ZNF516: variants seen among roughly 807,000 people sequenced by gnomAD.
The protein encoded by ZNF516 is zinc finger protein 516.
A neutral mutation model predicts 79.7 loss-of-function variants in ZNF516; 19 were observed. That is an observed-to-expected ratio of 0.24 (90% CI 0.17 to 0.35). The LOEUF (loss-of-function observed/expected upper bound fraction) is 0.35, where lower values mean the gene tolerates loss of function less well. Ranked by LOEUF, ZNF516 falls within the 10% of genes least tolerant of loss-of-function variation. The probability of loss-of-function intolerance (pLI) is 1.00; values close to 1 mark genes in which losing one functional copy is unlikely to be tolerated. For synonymous variants in ZNF516, 877 were observed against 739.5 expected (o/e 1.19, Z -3.02); for missense variants, 1,678 against 1,679.5 (o/e 1.00, Z 0.02).
intron 3 of ZNF516, among the ~76,000 whole-genome samples, chr18:76,383,536 A>T (rs2074928538): frequency 7.8e-6 from 1 of 127,836 alleles, no homozygotes; most frequent in Non-Finnish European, 1.6e-5. Flanking sequence ...GGGACCCATG[A>T]CCCTCTTCCC....
At chr18:76,478,107 G>T (rs983206344) in intron 1 of ZNF516, among the ~76,000 whole-genome samples, 18 of 152,186 alleles carry the variant, frequency 1.2e-4, no homozygotes, top group Admixed American at 9.2e-4. Flanking sequence ...AGCAGAAAGT[G>T]TACTAACTTC....
chr18:76,447,520 G>A (rs746315762), intron 2 of ZNF516, among the ~76,000 whole-genome samples: 10 of 152,188 alleles, frequency 6.6e-5, no homozygotes. Flanking sequence ...GTAACACACG[G>A]GCCTGGAGAT....
In ZNF516 at chr18:76,380,928, TC is replaced by T. The variant is rs779098561; in HGVS notation, c.1811-626del. ...AGCCCAAAACACTGATGCCCCAAGG[TC>T]CCCCAGAGGCGGGTGAGCAAAGGCA... On this transcript the variant is annotated intron_variant, in intron 3 of 6. Coordinates refer to ENST00000443185, the MANE Select transcript of ZNF516 (RefSeq NM_014643.4). Among the ~76,000 whole-genome samples, 13 of 152,170 alleles carry T rather than the reference TC, an allele frequency of 8.5e-5. No individual in the cohort carries two copies. In the South Asian group the frequency reaches 2.7e-3, roughly 32 times the overall value.
intron 3 of ZNF516, among the ~76,000 whole-genome samples, chr18:76,401,631 T>C (rs1203873504): frequency 6.6e-6 from 1 of 151,300 alleles, no homozygotes; most frequent in African/African-American, 2.4e-5. Flanking sequence ...ATGTGGCCCC[T>C]GGACAGACCG....
chr18:76,395,796 G>A (rs1012690029), intron 3 of ZNF516, among the ~76,000 whole-genome samples: 4 of 152,218 alleles, frequency 2.6e-5, no homozygotes, highest in Non-Finnish European at 5.9e-5. Flanking sequence ...CCCAAATGAC[G>A]TCACCACCCT....
intron 3 of ZNF516, among the ~76,000 whole-genome samples, chr18:76,418,520 CTA>C (rs1482288884): frequency 1.3e-5 from 2 of 151,920 alleles, no homozygotes; most frequent in Non-Finnish European, 2.9e-5. Flanking sequence ...CTGTAACACA[CTA>C]TAACACGCAC....
chr18:76,492,940 A>C lies in ZNF516; in HGVS notation c.-272+2204T>G, dbSNP rs1599177001. On this transcript the variant is annotated intron_variant, in intron 1 of 6. Coordinates refer to ENST00000443185, the MANE Select transcript of ZNF516 (RefSeq NM_014643.4). The stretch of plus-strand genomic sequence containing the variant: ...CCTGCGGATGCGCGGGGCTGGCCAG[A>C]CTTCACAGTGTGCAGACACATGGGC... 4 of 985,554 alleles carry C rather than the reference A, an allele frequency of 4.1e-6. No homozygotes were observed. The South Asian group carries it at 1.4e-4, about 35-fold the overall frequency. 61.1% of individuals were successfully genotyped at this position (985,554 alleles called of 1,614,324 possible).
chr18:76,408,730 G>A (rs369107590), intron 3 of ZNF516, among the ~76,000 whole-genome samples: 1 of 152,182 alleles, frequency 6.6e-6, no homozygotes, highest in African/African-American at 2.4e-5. Flanking sequence ...GTTTGTGTTC[G>A]CTCGCTAATT....
intron 3 of ZNF516, among the ~76,000 whole-genome samples, chr18:76,381,711 C>T (rs543230975): frequency 6.6e-6 from 1 of 152,260 alleles, no homozygotes; most frequent in African/African-American, 2.4e-5. Flanking sequence ...ATTCATACGC[C>T]GTGTTAAAGG....
At chr18:76,397,152 G>A (rs746853429) in intron 3 of ZNF516, among the ~76,000 whole-genome samples, 4 of 152,256 alleles carry the variant, frequency 2.6e-5, no homozygotes, top group South Asian at 2.1e-4. Flanking sequence ...GCACCGAGTC[G>A]GGGAGACCCA....
At chr18:76,373,338 A>G (rs1361144489) in intron 4 of ZNF516, among the ~76,000 whole-genome samples, 1 of 151,630 alleles carries the variant, frequency 6.6e-6, no homozygotes, top group Non-Finnish European at 1.5e-5. Context: ...GAAGTAAAGA[A>G]AAGGAAGGAA....
At chr18:76,477,832 AGAAGATGCTT>A (rs1914263461) in intron 1 of ZNF516, among the ~76,000 whole-genome samples, 1 of 152,042 alleles carries the variant, frequency 6.6e-6, no homozygotes, top group Admixed American at 6.6e-5. Context: ...ATCTCCTTTA[AGAAGATGCTT>A]TAAGAAGCAT....
At chr18:76,463,541 G>A (rs1291556397) in intron 1 of ZNF516, among the ~76,000 whole-genome samples, 4 of 152,246 alleles carry the variant, frequency 2.6e-5, no homozygotes, top group Non-Finnish European at 5.9e-5. Context: ...CTTGGTGTGC[G>A]CATCACACTG....
intron 1 of ZNF516, among the ~76,000 whole-genome samples, chr18:76,477,410 C>T (rs1914236480): frequency 6.6e-6 from 1 of 152,280 alleles, no homozygotes; most frequent in East Asian, 1.9e-4. Context: ...GTGTCACCTC[C>T]AAGAACGGGA....
At chr18:76,390,713 C>CT (rs1305917525) in intron 3 of ZNF516, among the ~76,000 whole-genome samples, 1 of 152,178 alleles carries the variant, frequency 6.6e-6, no homozygotes, top group African/African-American at 2.4e-5. Context: ...AGAGGAGAAG[C>CT]TGGGTTTGCC....
At chr18:76,445,150 G>A (rs371597093) in intron 2 of ZNF516, among the ~76,000 whole-genome samples, 22 of 152,104 alleles carry the variant, frequency 1.4e-4, no homozygotes, top group Admixed American at 7.2e-4. Context: ...CCACCTACTC[G>A]GGAGGCTGAG....
rs974800870 is a variant in ZNF516 at position 76,407,696 on chromosome 18, C to T, written c.1811-27393G>A. ...AAACATGGATACAGAAAATACCCAACACGACATGCAGTTTAATCAGTTATT... is the reference window on the plus strand; with the variant it reads ...AAACATGGATACAGAAAATACCCAATACGACATGCAGTTTAATCAGTTATT... On this transcript the variant is annotated intron_variant, in intron 3 of 6. Coordinates refer to ENST00000443185, the MANE Select transcript of ZNF516 (RefSeq NM_014643.4). 2.0e-5 allele frequency among the ~76,000 whole-genome samples: 3 copies of T among 152,356 alleles called. No homozygotes were observed. The East Asian group carries it at 5.8e-4, about 29-fold the overall frequency.
intron 2 of ZNF516, among the ~76,000 whole-genome samples, chr18:76,445,870 C>A (rs1487100265): frequency 2.0e-5 from 3 of 152,258 alleles, no homozygotes; most frequent in Non-Finnish European, 2.9e-5. Flanking sequence ...TCACACCAAT[C>A]ACCAAAACCC....
rs2074478464 is a variant in ZNF516, at chr18:76,357,855, C to T, written c.*4643G>A. Among the ~76,000 whole-genome samples the T allele has an allele frequency of 1.3e-5, 2 of 152,066 alleles. No homozygotes were observed. The highest frequency in any genetic ancestry group is 2.1e-4 in the South Asian group (1 of 4,818). On this transcript the variant is annotated 3_prime_UTR_variant, in exon 7 of 7. Coordinates refer to ENST00000443185, the MANE Select transcript of ZNF516 (RefSeq NM_014643.4). ...TCCGTCCGCGTCCATCCCTGTGCGTCCTGTATGGGTGACAGTGCAAGGGTA... is the reference window on the plus strand; with the variant it reads ...TCCGTCCGCGTCCATCCCTGTGCGTTCTGTATGGGTGACAGTGCAAGGGTA...
Sources: allele counts gnomAD v4.1 joint callset (sites outside exome capture counted in the v4.1 genomes callset), GRCh38; gene constraint gnomAD v4.1.1; transcripts MANE v1.5; gene names NCBI Gene and HGNC (gene_info 2026-07-23, HGNC 2026-07-21).